The following SLC5A4 variants were observed in gnomAD, a reference collection of about 807,000 sequenced individuals.
The protein encoded by SLC5A4 is solute carrier family 5 member 4.
A neutral mutation model predicts 70.3 loss-of-function variants in SLC5A4; 55 were observed. The observed-to-expected ratio is 0.78, with a 90% confidence interval of 0.63 to 0.98. SLC5A4 has a LOEUF of 0.98. SLC5A4 is among the 50% of genes least tolerant of loss of function. SLC5A4 has a pLI of 0.00. For synonymous variants in SLC5A4, 268 were observed against 305.7 expected (o/e 0.88, Z 1.29); for missense variants, 735 against 839.2 (o/e 0.88, Z 1.53).
the SLC5A4 span, among the ~76,000 whole-genome samples, chr22:32,316,033 G>C: frequency 1.3e-5 from 2 of 151,194 alleles, no homozygotes; most frequent in African/African-American, 4.9e-5. Context: ...GCCAGGCATG[G>C]TGGTGGGTGC....
the SLC5A4 span, among the ~76,000 whole-genome samples, chr22:32,264,860 AC>A: frequency 6.6e-6 from 1 of 152,084 alleles, no homozygotes; most frequent in Admixed American, 6.6e-5. Context: ...AAATGTGTGA[AC>A]CCCGCACGTT....
the SLC5A4 span, chr22:32,285,171 A>G: frequency 6.6e-6 from 1 of 152,140 alleles, no homozygotes; most frequent in Admixed American, 6.5e-5. Flanking sequence ...CGTATATACG[A>G]TATATGTGTG....
chr22:32,247,152 A>G (rs1186193535), intron 5 of SLC5A4, among the ~76,000 whole-genome samples: 2 of 152,160 alleles, frequency 1.3e-5, no homozygotes, highest in Non-Finnish European at 2.9e-5. Context: ...CCATTTTTTC[A>G]TATCCTTGAT....
chr22:32,241,348 G>C (rs1316622402), intron 5 of SLC5A4, among the ~76,000 whole-genome samples: 1 of 152,106 alleles, frequency 6.6e-6, no homozygotes, highest in Admixed American at 6.5e-5. Flanking sequence ...CTGCCTTTCA[G>C]AACAGGGACC....
chr22:32,255,372 T>G (rs560569873), upstream of SLC5A4: 81 of 1,602,452 alleles, frequency 5.1e-5, 1 homozygote, highest in South Asian at 7.7e-4. Context: ...TGAGCCATCT[T>G]TATATAAGTT....
chr22:32,353,713 A>G, the SLC5A4 span, among the ~76,000 whole-genome samples: 264 of 151,726 alleles, frequency 1.7e-3, 5 homozygotes, highest in East Asian at 0.04. Context: ...TGCTTCGGAC[A>G]CTGCAGCACC....
At chr22:32,342,058 G>C in the SLC5A4 span, among the ~76,000 whole-genome samples, 5 of 152,196 alleles carry the variant, frequency 3.3e-5, no homozygotes, top group African/African-American at 1.2e-4. Context: ...CCAGTGGCTA[G>C]TACAGTCCCT....
chr22:32,239,547 TATATATATATA>T (rs1926305827), intron 5 of SLC5A4, among the ~76,000 whole-genome samples: 1 of 13,186 alleles, frequency 7.6e-5, no homozygotes, highest in Non-Finnish European at 1.2e-4. Context: ...TATATATATA[TATATATATATA>T]TATATATATA....
chr22:32,250,716 C>T (rs893401323), intron 3 of SLC5A4, among the ~76,000 whole-genome samples: 8 of 152,040 alleles, frequency 5.3e-5, no homozygotes, highest in African/African-American at 1.9e-4. Flanking sequence ...AAATGCTCAA[C>T]AATGATAGAC....
the SLC5A4 span, among the ~76,000 whole-genome samples, chr22:32,300,380 A>G: frequency 6.6e-6 from 1 of 152,178 alleles, no homozygotes; most frequent in South Asian, 2.1e-4. Flanking sequence ...TTTTTAAACC[A>G]GTCGGAAAAG....
At chr22:32,219,586 A>G (rs1355453747) in intron 14 of SLC5A4, among the ~76,000 whole-genome samples, 2 of 139,932 alleles carry the variant, frequency 1.4e-5, no homozygotes, top group Non-Finnish European at 3.1e-5. Flanking sequence ...GAAAAGTAAA[A>G]TTTCCAGATT....
chr22:32,231,099 T>G lies in SLC5A4; in HGVS notation c.1022-24A>C. On this transcript the variant is annotated intron_variant, in intron 9 of 14. Coordinates refer to ENST00000266086, the MANE Select transcript of SLC5A4 (RefSeq NM_014227.3). ...ATCTGGGGAAGAATTCAGAAGTGAG[T>G]CCAATGAGGCCCAAATAGGCAAAAC... 3 of 1,464,876 alleles carry G rather than the reference T, an allele frequency of 2.0e-6. No individual in the cohort carries two copies. In the South Asian group the frequency reaches 3.4e-5, roughly 17 times the overall value. The allele number at this position is 1,464,876 out of a possible 1,614,324, so 90.7% of individuals were successfully genotyped here.
chr22:32,279,404 C>T, the SLC5A4 span, among the ~76,000 whole-genome samples: 1 of 152,208 alleles, frequency 6.6e-6, no homozygotes, highest in African/African-American at 2.4e-5. Context: ...TGAATAATCG[C>T]TGAGAGCTGG....
At chr22:32,328,093 CACAA>C in the SLC5A4 span, among the ~76,000 whole-genome samples, 622 of 103,058 alleles carry the variant, frequency 6.0e-3, 3 homozygotes, top group African/African-American at 0.017. Flanking sequence ...GCCCCCAACA[CACAA>C]ACACACACAC....
chr22:32,309,337 C>T, the SLC5A4 span, among the ~76,000 whole-genome samples: 2 of 152,190 alleles, frequency 1.3e-5, no homozygotes, highest in Non-Finnish European at 2.9e-5. Context: ...GCCTCGAATG[C>T]AGATTCCTCT....
chr22:32,329,918 T>TG, the SLC5A4 span, among the ~76,000 whole-genome samples: 2 of 28,476 alleles, frequency 7.0e-5, no homozygotes, highest in Non-Finnish European at 1.2e-4. Context: ...GTGTGTGTGT[T>TG]GGGGGCTCTG....
chr22:32,220,294 C>A (rs1925002017), intron 14 of SLC5A4, among the ~76,000 whole-genome samples: 1 of 152,168 alleles, frequency 6.6e-6, no homozygotes, highest in Admixed American at 6.5e-5. Context: ...ACTGACTCTT[C>A]ACTTTGAAGA....
At chr22:32,278,464 ACT>A in the SLC5A4 span, among the ~76,000 whole-genome samples, 2 of 152,246 alleles carry the variant, frequency 1.3e-5, no homozygotes, top group Non-Finnish European at 2.9e-5. Flanking sequence ...CCCTGTCTTT[ACT>A]GAGTTCCAGA....
chr22:32,231,100 C>A, intron 9 of SLC5A4, 25 bp from the exon 10 acceptor site: 1 of 1,416,642 alleles, frequency 7.1e-7, no homozygotes, highest in Non-Finnish European at 1.0e-6. Flanking sequence ...AGAAGTGAGT[C>A]CAATGAGGCC....
Sources: allele counts gnomAD v4.1 joint callset (sites outside exome capture counted in the v4.1 genomes callset), GRCh38; gene constraint gnomAD v4.1.1; transcripts MANE v1.5; gene names NCBI Gene and HGNC (gene_info 2026-07-23, HGNC 2026-07-21).